The following EPRS1 variants were observed in gnomAD, a reference collection of about 807,000 sequenced individuals.
EPRS1 encodes bifunctional glutamate/proline--tRNA ligase.
Under a neutral mutation model 188.3 loss-of-function variants are expected in EPRS1, and 107 were observed. The observed-to-expected ratio is 0.57, with a 90% CI of 0.49 to 0.67. EPRS1 has a LOEUF of 0.67. EPRS1 is among the 30% of genes least tolerant of loss of function. The pLI, the probability that EPRS1 is intolerant of heterozygous loss-of-function variation, is 0.00. For missense variants in EPRS1, 1,577 were observed against 1,802.2 expected (o/e 0.88, Z 2.26); for synonymous variants, 596 against 593.1 (o/e 1.00, Z -0.07).
intron 1 of EPRS1, among the ~76,000 whole-genome samples, chr1:220,044,499 C>T (rs1037644085): frequency 1.3e-5 from 2 of 151,758 alleles, no homozygotes; most frequent in South Asian, 2.1e-4. Context: ...CCAAGGCGGG[C>T]GGACTGCTTG....
At chr1:220,003,766 C>T (rs1384909834) in intron 16 of EPRS1, among the ~76,000 whole-genome samples, 3 of 152,186 alleles carry the variant, frequency 2.0e-5, no homozygotes, top group Non-Finnish European at 4.4e-5. Flanking sequence ...CACTATGCTA[C>T]ACTGTATGCA....
chr1:220,008,418 G>A (rs1661537991), intron 13 of EPRS1, among the ~76,000 whole-genome samples: 1 of 150,952 alleles, frequency 6.6e-6, no homozygotes, highest in South Asian at 2.1e-4. Flanking sequence ...AAAAAAGTAA[G>A]AAGATCTTTT....
In EPRS1 at chr1:219,974,497, G is replaced by C. The variant is rs183506213; in HGVS notation, c.4084-1099C>G. Among the ~76,000 whole-genome samples the C allele has an allele frequency of 4.3e-4, 65 of 152,250 alleles. 1 individual carries two copies. The highest frequency in any genetic ancestry group is 1.5e-3 in the African/African-American group (63 of 41,554). ...TTATCTGATACATAGTAGATTTTAAGTAATTTTTTTGAATGAATAATCCTC... is the reference window on the plus strand; with the variant it reads ...TTATCTGATACATAGTAGATTTTAACTAATTTTTTTGAATGAATAATCCTC... On this transcript the variant is annotated intron_variant, in intron 28 of 31. Coordinates refer to ENST00000366923, the MANE Select transcript of EPRS1 (RefSeq NM_004446.3).
intron 3 of EPRS1, among the ~76,000 whole-genome samples, chr1:220,033,983 A>G (rs1463055680): frequency 6.6e-6 from 1 of 152,080 alleles, no homozygotes; most frequent in Non-Finnish European, 1.5e-5. Flanking sequence ...AATGAACCGA[A>G]GGGATGGTAC....
chr1:220,042,218 C>T (rs1662309997), intron 1 of EPRS1, among the ~76,000 whole-genome samples: 1 of 150,370 alleles, frequency 6.7e-6, no homozygotes, highest in Admixed American at 6.6e-5. Flanking sequence ...TGCAATGGCT[C>T]ATACCTGTAA....
In EPRS1 at chr1:219,987,353, T is replaced by C. The variant is rs1463266330; in HGVS notation, c.2827A>G (p.Lys943Glu). ...QELLQLKAQYKSLIGVEYKPV... is the reference protein window; with the variant it reads ...QELLQLKAQYESLIGVEYKPV... ...TTATACTCTACTCCTATCAAAGACTTGTACTGTGCCTTTAGCTGAAGGAGT... is the reference window on the plus strand; with the variant it reads ...TTATACTCTACTCCTATCAAAGACTCGTACTGTGCCTTTAGCTGAAGGAGT... Residue 943 changes from lysine to glutamate, a missense_variant, in exon 20 of 32, where the codon AAG (lysine) becomes GAG (glutamate). This residue lies in a region of EPRS1 where 1,278 missense variants were observed against 1,457.4 expected (regional missense o/e 0.88). Transcript: ENST00000366923. 6.2e-7 allele frequency: 1 copy of C among 1,613,266 alleles called. No homozygotes were observed. Among genetic ancestry groups the C allele is most frequent in the Non-Finnish European group, 8.5e-7 (1 of 1,179,660 alleles).
chr1:220,036,920 T>TA (rs142599569), intron 2 of EPRS1, among the ~76,000 whole-genome samples: 8,545 of 149,932 alleles, frequency 0.057, 741 homozygotes, highest in African/African-American at 0.19. Flanking sequence ...ATCCAGAATG[T>TA]AAAAAAAACA....
chr1:220,007,173 T>G (rs1227143168), intron 14 of EPRS1, 29 bp downstream of exon 14: 1 of 1,582,548 alleles, frequency 6.3e-7, no homozygotes, highest in Non-Finnish European at 8.6e-7. Flanking sequence ...TCTCCTATGT[T>G]TATTTGAAAA....
At position 219,973,469 on chromosome 1, in the gene EPRS1, G is replaced by T. The variant is rs375336953; in HGVS notation, c.4084-71C>A. 3.5e-4 allele frequency: 364 copies of T among 1,035,952 alleles called. 8 individuals carry two copies. In the South Asian group the frequency reaches 7.7e-3, roughly 22 times the overall value. The allele number at this position is 1,035,952 out of a possible 1,614,324, so 64.2% of individuals were successfully genotyped here. On this transcript the variant is annotated intron_variant, in intron 28 of 31. Transcript: ENST00000366923. ...GTTGAATATACAGATGTAATTCATG[G>T]CTTTAGCTACCATAAATTATAAAAA...
chr1:220,030,917 C>A (rs1038843373), intron 5 of EPRS1, among the ~76,000 whole-genome samples: 4 of 152,000 alleles, frequency 2.6e-5, no homozygotes, highest in Admixed American at 2.6e-4. Flanking sequence ...CATGGTGAAA[C>A]CCCATCTCTA....
intron 28 of EPRS1, 134 bp from the exon 29 acceptor site, chr1:219,973,532 A>G (rs1660711019): frequency 1.5e-5 from 2 of 135,284 alleles, no homozygotes; most frequent in East Asian, 2.8e-4. Context: ...AAAACAAGAG[A>G]AAAAAAAAAA....
intron 6 of EPRS1, among the ~76,000 whole-genome samples, chr1:220,028,978 G>A (rs1662037404): frequency 6.6e-6 from 1 of 151,944 alleles, no homozygotes; most frequent in African/African-American, 2.4e-5. Context: ...ATTTACAACA[G>A]GTAAATATAT....
chr1:219,973,175 G>A (rs1263547506), intron 29 of EPRS1, 63 bp downstream of exon 29: 6 of 1,445,724 alleles, frequency 4.2e-6, no homozygotes, highest in Non-Finnish European at 5.7e-6. Context: ...AAATTCCTTG[G>A]TAAAGATCTC....
In EPRS1 at chr1:219,985,488, G is replaced by A. The variant is rs573752222; in HGVS notation, c.3039-1231C>T. 5.9e-5 allele frequency among the ~76,000 whole-genome samples: 9 copies of A among 152,232 alleles called. No homozygotes were observed. The South Asian group carries it at 1.5e-3, about 25-fold the overall frequency. On this transcript the variant is annotated intron_variant, in intron 20 of 31. Transcript: ENST00000366923. ...ACTCACTGCAACCTCCACCTCCCAG[G>A]TTTAAGCGATTCTCGTGCCTCAGCC...
At chr1:220,044,681 C>CAAAAAAAAAAAAAAAAAAAAAA (rs71560597) in intron 1 of EPRS1, among the ~76,000 whole-genome samples, 8 of 88,342 alleles carry the variant, frequency 9.1e-5, no homozygotes, top group African/African-American at 3.3e-4. Flanking sequence ...GCTCGGTCTC[C>CAAAAAAAAAAAAAAAAAAAAAA]AAAAAAAAAA....
chr1:220,039,343 A>G lies in EPRS1; in HGVS notation c.131+842T>C, dbSNP rs533260898. On this transcript the variant is annotated intron_variant, in intron 2 of 31. Transcript: ENST00000366923. ...GCCTCATTTCAGGAGCTGGTGTTGC[A>G]GATGGGCTCTCAAAGCTAGACCTCT... Among the ~76,000 whole-genome samples the G allele has an allele frequency of 5.3e-5, 8 of 152,280 alleles. No homozygotes were observed. In the East Asian group the frequency reaches 1.4e-3, roughly 26 times the overall value.
chr1:220,026,627 T>A (rs750598017), intron 6 of EPRS1, among the ~76,000 whole-genome samples: 9 of 151,708 alleles, frequency 5.9e-5, no homozygotes, highest in Non-Finnish European at 1.2e-4. Flanking sequence ...GCCTCTCAGG[T>A]TCACACCATT....
At chr1:220,016,562 G>A (rs1309746619) in intron 12 of EPRS1, among the ~76,000 whole-genome samples, 4 of 144,530 alleles carry the variant, frequency 2.8e-5, no homozygotes, top group East Asian at 2.1e-4. Context: ...AAGCATGCAC[G>A]ACCAGGCCTA....
intron 16 of EPRS1, among the ~76,000 whole-genome samples, chr1:220,002,724 G>T (rs1444039723): frequency 6.6e-6 from 1 of 152,018 alleles, no homozygotes; most frequent in Non-Finnish European, 1.5e-5. Flanking sequence ...GATAGGTGTG[G>T]TGGCACATAT....
Sources: allele counts gnomAD v4.1 joint callset (sites outside exome capture counted in the v4.1 genomes callset), GRCh38; gene constraint gnomAD v4.1.1; regional missense constraint gnomAD v4.1.1; transcripts MANE v1.5; gene names NCBI Gene and HGNC (gene_info 2026-07-23, HGNC 2026-07-21).